Variants in SDK2 observed in about 807,000 individuals in gnomAD.
SDK2 encodes the protein sidekick cell adhesion molecule 2, also known as protein sidekick-2.
Under a neutral mutation model 253.9 loss-of-function variants are expected in SDK2, and 105 were observed. The observed-to-expected ratio is 0.41, with a 90% confidence interval of 0.35 to 0.49. SDK2 has a LOEUF of 0.49. SDK2 is among the 20% of genes least tolerant of loss of function. The pLI is 0.06. For missense variants in SDK2, 2,608 were observed against 3,003.0 expected (o/e 0.87, Z 3.07); for synonymous variants, 1,249 against 1,234.9 (o/e 1.01, Z -0.24).
At chr17:73,437,502 A>G (rs58107126) in intron 8 of SDK2, among the ~76,000 whole-genome samples, 51 of 152,300 alleles carry the variant, frequency 3.3e-4, no homozygotes, top group African/African-American at 1.2e-3. Flanking sequence ...AAATTACTGT[A>G]AGTTGGGTTC....
At chr17:73,557,790 A>C (rs2045167701) in intron 1 of SDK2, among the ~76,000 whole-genome samples, 1 of 151,998 alleles carries the variant, frequency 6.6e-6, no homozygotes, top group South Asian at 2.1e-4. Context: ...CTGCCATTCT[A>C]ATTTCCTTTC....
At chr17:73,386,012 G>A (rs2062869176) in intron 31 of SDK2, 95 bp from the exon 32 acceptor site, 4 of 901,698 alleles carry the variant, frequency 4.4e-6, no homozygotes, top group Admixed American at 2.5e-5. Context: ...CTGGACTGCG[G>A]GGCAGGTCCA....
At chr17:73,600,434 G>C (rs945307374) in intron 1 of SDK2, among the ~76,000 whole-genome samples, 4 of 150,898 alleles carry the variant, frequency 2.7e-5, no homozygotes, top group African/African-American at 9.9e-5. Flanking sequence ...TGCCTCCCCT[G>C]GGGGAGGCGG....
At chr17:73,341,532 C>T (rs952541612) in intron 44 of SDK2, among the ~76,000 whole-genome samples, 1 of 152,124 alleles carries the variant, frequency 6.6e-6, no homozygotes, top group African/African-American at 2.4e-5. Context: ...TCAGTCCTGC[C>T]CAGCTAATGC....
chr17:73,391,680 T>C (rs1207480644), intron 27 of SDK2, 142 bp from the exon 28 acceptor site: 1 of 415,576 alleles, frequency 2.4e-6, no homozygotes, highest in Non-Finnish European at 4.4e-6. Context: ...TACTGCCCTG[T>C]GCCTGACACT....
At chr17:73,414,344 G>A (rs973250581) in intron 18 of SDK2, among the ~76,000 whole-genome samples, 7 of 151,974 alleles carry the variant, frequency 4.6e-5, no homozygotes, top group African/African-American at 1.2e-4. Context: ...CACTGTGCCC[G>A]GCCCCTACAC....
At chr17:73,429,826 G>C (rs1414624440) in intron 12 of SDK2, among the ~76,000 whole-genome samples, 1 of 152,206 alleles carries the variant, frequency 6.6e-6, no homozygotes, top group East Asian at 1.9e-4. Context: ...GTAGGGTTTG[G>C]TTCAGGTGCT....
chr17:73,462,010 C>CATGT (rs990031888), intron 3 of SDK2, among the ~76,000 whole-genome samples: 11 of 151,272 alleles, frequency 7.3e-5, no homozygotes, highest in East Asian at 5.9e-4. Context: ...ATAATGGTTG[C>CATGT]ATGTATGTAT....
chr17:73,460,502 T>A (rs1280433379), intron 3 of SDK2, among the ~76,000 whole-genome samples: 1 of 152,190 alleles, frequency 6.6e-6, no homozygotes, highest in Non-Finnish European at 1.5e-5. Context: ...TACATAGCCA[T>A]AGAAACTAGA....
At chr17:73,617,077 G>A (rs1351222434) in intron 1 of SDK2, among the ~76,000 whole-genome samples, 11 of 152,112 alleles carry the variant, frequency 7.2e-5, no homozygotes, top group Admixed American at 7.2e-4. Flanking sequence ...GGGTGGTTGA[G>A]AGAGCTGACC....
At chr17:73,399,721 C>A (rs181575840) in intron 21 of SDK2, among the ~76,000 whole-genome samples, 12 of 152,300 alleles carry the variant, frequency 7.9e-5, no homozygotes, top group Non-Finnish European at 1.3e-4. Context: ...CTAATTACAG[C>A]TCAGGAAGGT....
chr17:73,555,692 G>C (rs534183654), intron 1 of SDK2, among the ~76,000 whole-genome samples: 109 of 152,338 alleles, frequency 7.2e-4, no homozygotes, highest in African/African-American at 2.5e-3. Context: ...GAGGAAGTGA[G>C]GGGCTGCCAG....
chr17:73,454,639 A>G (rs2063510452), intron 4 of SDK2, among the ~76,000 whole-genome samples: 1 of 152,202 alleles, frequency 6.6e-6, no homozygotes, highest in African/African-American at 2.4e-5. Context: ...TGGTGTGCTT[A>G]GCTCAGTCCT....
At chr17:73,363,321 C>A (rs568350882) in intron 38 of SDK2, among the ~76,000 whole-genome samples, 19 of 152,332 alleles carry the variant, frequency 1.2e-4, no homozygotes, top group Non-Finnish European at 2.5e-4. Flanking sequence ...TCCACCGCCT[C>A]GGCCTCCCGA....
intron 1 of SDK2, among the ~76,000 whole-genome samples, chr17:73,597,162 G>C (rs1039657989): frequency 1.3e-5 from 2 of 152,198 alleles, no homozygotes; most frequent in African/African-American, 4.8e-5. Flanking sequence ...CTCCTGATGG[G>C]TTTTGGATAT....
At chr17:73,460,620 G>A (rs976362786) in intron 3 of SDK2, among the ~76,000 whole-genome samples, 4 of 152,124 alleles carry the variant, frequency 2.6e-5, no homozygotes, top group African/African-American at 9.7e-5. Flanking sequence ...CCTCAATGAA[G>A]TTTACCCAAA....
chr17:73,366,647 C>T (rs76841180), intron 37 of SDK2, among the ~76,000 whole-genome samples: 3,049 of 152,308 alleles, frequency 0.02, 104 homozygotes, highest in African/African-American at 0.07. Context: ...CCAGCCTCTG[C>T]TGCCCCAGTG....
intron 3 of SDK2, among the ~76,000 whole-genome samples, chr17:73,458,671 C>T (rs570035550): frequency 2.2e-4 from 34 of 152,318 alleles, no homozygotes; most frequent in Middle Eastern, 3.4e-3. Flanking sequence ...GGCCCTCCGT[C>T]ACCTCCTTGC....
At chr17:73,589,116 A>G (rs2045646526) in intron 1 of SDK2, among the ~76,000 whole-genome samples, 1 of 152,298 alleles carries the variant, frequency 6.6e-6, no homozygotes, top group South Asian at 2.1e-4. Flanking sequence ...CAGGCATCAC[A>G]GTCCCTGACT....
Sources: gnomAD v4.1 joint callset for allele counts (sites outside exome capture counted in the v4.1 genomes callset) on GRCh38, gnomAD v4.1.1 for gene constraint, MANE v1.5 for transcripts, NCBI Gene and HGNC (gene_info 2026-07-23, HGNC 2026-07-21) for gene names.